YLPM1: variants seen among roughly 807,000 people sequenced by gnomAD.
YLPM1 encodes the protein YLP motif containing 1, also known as YLP motif-containing protein 1.
Under a neutral mutation model 230.0 loss-of-function variants are expected in YLPM1, and 99 were observed. The ratio of observed to expected loss-of-function variants is 0.43; its 90% CI spans 0.37 to 0.51. YLPM1 has a LOEUF of 0.51. YLPM1 is among the 20% of genes least tolerant of loss of function. The probability of loss-of-function intolerance (pLI) is 0.00; values close to 1 mark genes in which losing one functional copy is unlikely to be tolerated. For missense variants in YLPM1, 2,592 were observed against 2,707.7 expected, an observed-to-expected ratio of 0.96 and a Z score of 0.95; for synonymous variants, 984 against 942.5, an observed-to-expected ratio of 1.04 and a Z score of -0.81.
rs574738306 is a variant in YLPM1, at chr14:74,799,843, C to A, written c.4400+146C>A. The A allele has an allele frequency of 1.5e-5, 20 of 1,299,682 alleles. No homozygotes were observed. The African/African-American group carries it at 2.8e-4, about 18-fold the overall frequency. The allele number at this position is 1,299,682 out of a possible 1,614,324, so 80.5% of individuals were successfully genotyped here. On this transcript the variant is annotated intron_variant, in intron 5 of 20. Transcript: ENST00000325680. ...AATTTATATTTCTGGTCATTCAGTGCTGTTTTAGGGTTAGAATGGGTATTT... is the reference window on the plus strand; with the variant it reads ...AATTTATATTTCTGGTCATTCAGTGATGTTTTAGGGTTAGAATGGGTATTT...
chr14:74,800,703 G>A (rs1371120407), intron 5 of YLPM1, among the ~76,000 whole-genome samples: 5 of 152,182 alleles, frequency 3.3e-5, no homozygotes, highest in African/African-American at 1.2e-4. Flanking sequence ...CGGCAGGTTT[G>A]TATGGTCTAT....
Position 74,799,268 on chromosome 14 carries a change from G to C in YLPM1, c.3971G>C (p.Arg1324Pro). 1 of 1,613,994 alleles carries C rather than the reference G, an allele frequency of 6.2e-7. No homozygotes were observed. Among genetic ancestry groups the C allele is most frequent in the Non-Finnish European group, 8.5e-7 (1 of 1,179,890 alleles). The change falls in exon 5 of 21, where the codon CGT (arginine) becomes CCT (proline). Residue 1324 changes from arginine to proline, a missense_variant. Coordinates refer to ENST00000325680, the MANE Select transcript of YLPM1 (RefSeq NM_019589.3). Reference protein sequence around the residue: ...RPLDEQESQFRERDIPSLPPL... With the variant: ...RPLDEQESQFPERDIPSLPPL... Reference sequence around the variant, plus strand: ...CTGGATGAACAAGAATCACAGTTTCGTGAACGGGATATTCCATCTCTTCCA... The same window carrying C: ...CTGGATGAACAAGAATCACAGTTTCCTGAACGGGATATTCCATCTCTTCCA...
At position 74,810,299 on chromosome 14, in the gene YLPM1, A is replaced by T. The variant is rs765687237; in HGVS notation, c.5107A>T (p.Ile1703Leu). The change falls in exon 9 of 21, where the codon ATA becomes TTA. Residue 1703 changes from isoleucine to leucine, a missense_variant. This residue lies in a region of YLPM1 where 403 missense variants were observed against 426.7 expected (regional missense o/e 0.94). Transcript: ENST00000325680. ...TTATTTTGATCGTCAAAGTAATGTC[A>T]TAGCAGATCATCGAGATTTTAAAAG... ...EPYFDRQSNV[I>L]ADHRDFKRDR... is the part of the protein sequence containing the mutation. The T allele has an allele frequency of 5.6e-6, 9 of 1,613,978 alleles. No individual in the cohort carries two copies. Among genetic ancestry groups the T allele is most frequent in the South Asian group, 1.1e-5 (1 of 91,080 alleles).
At chr14:74,821,170 C>A in intron 17 of YLPM1, 33 bp downstream of exon 17, 1 of 1,518,998 alleles carries the variant, frequency 6.6e-7, no homozygotes, top group Non-Finnish European at 8.8e-7. Flanking sequence ...TGAACAGTGT[C>A]TCTTTATTAA....
At position 74,798,489 on chromosome 14, in the gene YLPM1, A is replaced by G; in HGVS notation, c.3192A>G (p.Arg1064=). The G allele has an allele frequency of 6.2e-7, 1 of 1,613,946 alleles. No homozygotes were observed. The highest frequency in any genetic ancestry group is 8.5e-7 in the Non-Finnish European group (1 of 1,179,890). ...QEDFRDKMMG[R]REDSREKMNR... ...ACTTTCGGGATAAGATGATGGGTAG[A>G]AGAGAAGATAGTCGAGAGAAGATGA... Residue 1064 remains arginine (R), a synonymous_variant, in exon 5 of 21, where the codon AGA becomes AGG. Transcript: ENST00000325680.
Position 74,811,677 on chromosome 14 carries a change from T to C in YLPM1, c.5286T>C (p.Asp1762=). The C allele has an allele frequency of 6.2e-7, 1 of 1,612,876 alleles. No homozygotes were observed. Among genetic ancestry groups the C allele is most frequent in the Non-Finnish European group, 8.5e-7 (1 of 1,179,562 alleles). Residue 1762 remains aspartate (D), a synonymous_variant, in exon 10 of 21, where the codon GAT becomes GAC. Coordinates refer to ENST00000325680, the MANE Select transcript of YLPM1 (RefSeq NM_019589.3). ...DHSSSRRGGF[D]RPSYDRKSDR... ...CCTCATCCAGAAGAGGGGGTTTTGA[T>C]AGGCCATCCTATGACCGGAAGTCTG...
At chr14:74,792,376 A>T (rs1244120723) in intron 4 of YLPM1, among the ~76,000 whole-genome samples, 3 of 152,172 alleles carry the variant, frequency 2.0e-5, no homozygotes, top group Non-Finnish European at 2.9e-5. Context: ...CCAGTAAAAC[A>T]TCTCACTTCT....
At position 74,799,636 on chromosome 14, in the gene YLPM1, G is replaced by A; in HGVS notation, c.4339G>A (p.Val1447Ile). 6.2e-7 allele frequency: 1 copy of A among 1,613,932 alleles called. No homozygotes were observed. The highest frequency in any genetic ancestry group is 1.6e-4 in the Middle Eastern group (1 of 6,062). ...DSDQGLGGVM[V>I]LSQRQHEIIL... ...TGACCAAGGCCTTGGAGGGGTAATGGTTCTCAGTCAGAGGCAGCATGAAAT... is the reference window on the plus strand; with the variant it reads ...TGACCAAGGCCTTGGAGGGGTAATGATTCTCAGTCAGAGGCAGCATGAAAT... The change falls in exon 5 of 21, where the codon GTT (valine) becomes ATT (isoleucine). Residue 1447 changes from valine (V) to isoleucine (I), a missense_variant. By Grantham distance (29) the Val-to-Ile change is conservative. Transcript: ENST00000325680.
intron 4 of YLPM1, among the ~76,000 whole-genome samples, chr14:74,793,139 T>C (rs1990794): frequency 0.15 from 22,308 of 152,158 alleles, 1,781 homozygotes; most frequent in South Asian, 0.3. Flanking sequence ...ATTTCAGTGT[T>C]TTTTGTTTGC....
In YLPM1 at chr14:74,781,536, A is replaced by G; in HGVS notation, c.1493A>G (p.Glu498Gly). Residue 498 changes from glutamate to glycine, a missense_variant, in exon 4 of 21, where the codon GAG becomes GGG. Around this residue, in one of 4 missense-constraint regions of YLPM1, gnomAD observed 1,862 missense variants for 1,819.8 expected, o/e 1.02. Transcript: ENST00000325680. ...AAAGCCACTCAGAGCTATCTCCAGG[A>G]GAAAGTCAATTCATTTCAGAACATG... ...HMKATQSYLQEKVNSFQNMKN... is the reference protein window; with the variant it reads ...HMKATQSYLQGKVNSFQNMKN... 6.2e-7 allele frequency: 1 copy of G among 1,614,010 alleles called. No homozygotes were observed. Among genetic ancestry groups the G allele is most frequent in the Non-Finnish European group, 8.5e-7 (1 of 1,179,900 alleles).
chr14:74,819,840 A>G (rs565460275), intron 16 of YLPM1, among the ~76,000 whole-genome samples: 1 of 152,100 alleles, frequency 6.6e-6, no homozygotes, highest in East Asian at 1.9e-4. Context: ...ATCTCTTTTC[A>G]GTCTCCTTCA....
At chr14:74,799,843 CT>C in intron 5 of YLPM1, 146 bp downstream of exon 5, 1 of 1,299,686 alleles carries the variant, frequency 7.7e-7, no homozygotes, top group Admixed American at 2.9e-5. Context: ...TCATTCAGTG[CT>C]GTTTTAGGGT....
At position 74,768,809 on chromosome 14, in the gene YLPM1, T is replaced by G. The variant is rs74063262; in HGVS notation, c.873+4447T>G. ...AAGGGAGAAGACATTTAGTAAGTAA[T>G]TAAGAGGAGACGTACAGAGTGCTAT... On this transcript the variant is annotated intron_variant, in intron 1 of 20. Transcript: ENST00000325680. Among the ~76,000 whole-genome samples the G allele has an allele frequency of 8.3e-3, 1,268 of 152,244 alleles. 17 individuals carry two copies. The highest frequency in any genetic ancestry group is 0.029 in the African/African-American group (1,202 of 41,558).
intron 4 of YLPM1, among the ~76,000 whole-genome samples, chr14:74,783,307 G>A (rs371516586): frequency 1.3e-5 from 2 of 152,088 alleles, no homozygotes; most frequent in African/African-American, 2.4e-5. Flanking sequence ...GGGCTCAAGC[G>A]ATCCTCCTGC....
At chr14:74,794,907 T>C (rs1189153237) in intron 4 of YLPM1, among the ~76,000 whole-genome samples, 1 of 152,222 alleles carries the variant, frequency 6.6e-6, no homozygotes, top group African/African-American at 2.4e-5. Flanking sequence ...TCATTCCATA[T>C]TCCCTTTGCT....
chr14:74,832,110 G>T (rs376602555), intron 19 of YLPM1, among the ~76,000 whole-genome samples: 1 of 152,096 alleles, frequency 6.6e-6, no homozygotes, highest in East Asian at 1.9e-4. Context: ...GGCTAGTTAA[G>T]ATTTTTCTGT....
chr14:74,798,131 T>A lies in YLPM1; in HGVS notation c.2834T>A (p.Val945Glu), dbSNP rs769068649. Reference sequence around the variant, plus strand: ...AAAGCCCAAGCTGTTACTCAGCCTGTACCCCTTGCGAATAAGCCTGTACCT... The same window carrying A: ...AAAGCCCAAGCTGTTACTCAGCCTGAACCCCTTGCGAATAAGCCTGTACCT... ...IDKAQAVTQP[V>E]PLANKPVPAQ... The change falls in exon 5 of 21, where the codon GTA becomes GAA. Residue 945 changes from valine (V) to glutamate (E), a missense_variant. By Grantham distance (121) the Val-to-Glu change is moderately radical. Around this residue, in one of 4 missense-constraint regions of YLPM1, gnomAD observed 1,862 missense variants for 1,819.8 expected, o/e 1.02. Coordinates refer to ENST00000325680, the MANE Select transcript of YLPM1 (RefSeq NM_019589.3). The A allele has an allele frequency of 6.8e-6, 11 of 1,613,956 alleles. No homozygotes were observed. Among genetic ancestry groups the A allele is most frequent in the Non-Finnish European group, 9.3e-6 (11 of 1,179,880 alleles).
At chr14:74,818,024 C>G (rs961287227) in intron 15 of YLPM1, among the ~76,000 whole-genome samples, 1 of 151,722 alleles carries the variant, frequency 6.6e-6, no homozygotes, top group Non-Finnish European at 1.5e-5. Flanking sequence ...CCACTACACT[C>G]CAGCCTGGGT....
chr14:74,767,435 A>G (rs2090923502), intron 1 of YLPM1, among the ~76,000 whole-genome samples: 1 of 152,204 alleles, frequency 6.6e-6, no homozygotes, highest in Admixed American at 6.5e-5. Flanking sequence ...CAGAATACTG[A>G]AAAGATTCTT....
Sources: allele counts gnomAD v4.1 joint callset (sites outside exome capture counted in the v4.1 genomes callset), GRCh38; gene constraint gnomAD v4.1.1; regional missense constraint gnomAD v4.1.1; transcripts MANE v1.5; gene names NCBI Gene and HGNC (gene_info 2026-07-23, HGNC 2026-07-21).